The following RBPJ variants were observed in gnomAD, a reference collection of about 807,000 sequenced individuals.
RBPJ encodes the protein recombining binding protein suppressor of hairless.
RBPJ carries 9 observed loss-of-function variants against 67.8 expected under a neutral mutation model. That is an observed-to-expected ratio of 0.13 (90% confidence interval 0.08 to 0.23). The LOEUF (loss-of-function observed/expected upper bound fraction) is 0.23. Ranked by LOEUF, RBPJ falls within the 10% of genes least tolerant of loss-of-function variation. The pLI, the probability that RBPJ is intolerant of heterozygous loss-of-function variation, is 1.00. For synonymous variants in RBPJ, 198 were observed against 203.3 expected, an observed-to-expected ratio of 0.97 and a Z score of 0.22; for missense variants, 305 against 595.6, an observed-to-expected ratio of 0.51 and a Z score of 5.08.
chr4:26,252,390 G>A (rs1720144316), intron 1 of RBPJ, among the ~76,000 whole-genome samples: 1 of 152,132 alleles, frequency 6.6e-6, no homozygotes, highest in African/African-American at 2.4e-5. Flanking sequence ...GAGCCCAGGA[G>A]TTCGAGACCA....
At chr4:26,347,429 A>G (rs1726279493) in intron 1 of RBPJ, among the ~76,000 whole-genome samples, 1 of 152,226 alleles carries the variant, frequency 6.6e-6, no homozygotes, top group Non-Finnish European at 1.5e-5. Flanking sequence ...AAGGTAGAAT[A>G]AAAGCCTCAA....
intron 1 of RBPJ, chr4:26,343,014 TTTG>T (rs1223141412): frequency 6.6e-6 from 1 of 152,206 alleles, no homozygotes; most frequent in African/African-American, 2.4e-5. Flanking sequence ...GCTGTCAAAT[TTTG>T]TTGTTATTCT....
chr4:26,381,087 G>GT lies in RBPJ; in HGVS notation c.21-5255dup, dbSNP rs113920618. On this transcript the variant is annotated intron_variant, in intron 1 of 10. Coordinates refer to ENST00000355476, the MANE Select transcript of RBPJ (RefSeq NM_015874.6). ...TCTGTATTCAAGAAAGTTTTTTCTT[G>GT]TTTTTTTTTTTCCTTCTTTTTGTGA... Among the ~76,000 whole-genome samples, 453 of 129,668 alleles carry GT rather than the reference G, an allele frequency of 3.5e-3. 1 individual carries two copies. The highest frequency in any genetic ancestry group is 7.7e-3 in the Middle Eastern group (2 of 260). The allele number at this position is 129,668 out of a possible 152,430, so 85.1% of individuals were successfully genotyped here.
intron 1 of RBPJ, among the ~76,000 whole-genome samples, chr4:26,337,438 T>C (rs1350202308): frequency 5.3e-5 from 8 of 152,116 alleles, no homozygotes; most frequent in Admixed American, 5.2e-4. Flanking sequence ...TCTTGTTGCT[T>C]GGGTGGTTAA....
intron 1 of RBPJ, among the ~76,000 whole-genome samples, chr4:26,216,477 A>G (rs954053597): frequency 1.3e-5 from 2 of 152,074 alleles, no homozygotes; most frequent in South Asian, 4.1e-4. Flanking sequence ...AAAGCATGGA[A>G]CATCCGAGGA....
chr4:26,237,707 G>T (rs570903038), intron 1 of RBPJ, among the ~76,000 whole-genome samples: 2 of 152,262 alleles, frequency 1.3e-5, no homozygotes, highest in Admixed American at 1.3e-4. Flanking sequence ...TTGACCCTCG[G>T]TCTCCCTATC....
chr4:26,255,696 G>C (rs1399479711), intron 1 of RBPJ, among the ~76,000 whole-genome samples: 1 of 151,436 alleles, frequency 6.6e-6, no homozygotes, highest in Non-Finnish European at 1.5e-5. Flanking sequence ...CAGCTACGCG[G>C]GAGGCTGAGG....
At chr4:26,414,917 G>A (rs534795805) in intron 3 of RBPJ, among the ~76,000 whole-genome samples, 1 of 152,102 alleles carries the variant, frequency 6.6e-6, no homozygotes, top group Non-Finnish European at 1.5e-5. Context: ...ACACAGCACT[G>A]CTCATAATCA....
intron 1 of RBPJ, among the ~76,000 whole-genome samples, chr4:26,275,851 G>A (rs1236136892): frequency 6.6e-6 from 1 of 151,824 alleles, no homozygotes; most frequent in Non-Finnish European, 1.5e-5. Context: ...GGGATGGTCT[G>A]GATCTCTTGA....
rs374792577 is a variant in RBPJ, at chr4:26,415,583, A to G, written c.264A>G (p.Ala88=). The change falls in exon 4 of 11, where the codon GCA becomes GCG. Residue 88 remains alanine (A), a synonymous_variant. Transcript: ENST00000355476. ...CTGAACAAGAGTCTCAACCGTGTGC[A>G]TTTATTGGGATAGGAAATAGTGACC... ...GCSEQESQPC[A]FIGIGNSDQE... is the part of the protein sequence containing the mutation. The G allele has an allele frequency of 7.4e-6, 12 of 1,611,808 alleles. No individual in the cohort carries two copies. The highest frequency in any genetic ancestry group is 1.1e-5 in the South Asian group (1 of 90,252).
intron 1 of RBPJ, among the ~76,000 whole-genome samples, chr4:26,221,309 C>G (rs1248911904): frequency 6.6e-6 from 1 of 152,164 alleles, no homozygotes; most frequent in East Asian, 1.9e-4. Flanking sequence ...CCAGGATGGT[C>G]TCCATCTCCT....
the RBPJ span, among the ~76,000 whole-genome samples, chr4:26,114,493 A>ATG: frequency 2.0e-4 from 29 of 145,912 alleles, no homozygotes; most frequent in African/African-American, 7.6e-4. Context: ...ATATATATAT[A>ATG]TATATGTATG....
At chr4:26,246,588 G>C (rs1177384197) in intron 1 of RBPJ, among the ~76,000 whole-genome samples, 1 of 152,190 alleles carries the variant, frequency 6.6e-6, no homozygotes, top group Non-Finnish European at 1.5e-5. Flanking sequence ...AACATAACCT[G>C]TCAGATTGTA....
intron 1 of RBPJ, chr4:26,342,999 T>C (rs1452385583): frequency 6.6e-6 from 1 of 152,240 alleles, no homozygotes; most frequent in Admixed American, 6.5e-5. Context: ...CATTTTAAAG[T>C]CTCTGCTGTC....
At chr4:26,241,323 G>A (rs111694876) in intron 1 of RBPJ, among the ~76,000 whole-genome samples, 141 of 152,052 alleles carry the variant, frequency 9.3e-4, no homozygotes, top group African/African-American at 3.2e-3. Flanking sequence ...GTGAAAAAAA[G>A]AGCTGACATT....
At chr4:26,157,237 C>T in the RBPJ span, among the ~76,000 whole-genome samples, 457 of 152,240 alleles carry the variant, frequency 3.0e-3, 3 homozygotes, top group African/African-American at 0.01. Flanking sequence ...CAAGACCAGC[C>T]TGGGCAACTC....
At chr4:26,180,302 C>T (rs1716935877) in intron 1 of RBPJ, among the ~76,000 whole-genome samples, 1 of 146,132 alleles carries the variant, frequency 6.8e-6, no homozygotes, top group Non-Finnish European at 1.5e-5. Flanking sequence ...AACAAACCGA[C>T]ACATGTACCC....
chr4:26,210,700 T>TTTCTTTCTTTCCTTCTTTCCTTCTTTCC lies in RBPJ; in HGVS notation c.-167+47093_-167+47094insTTTCCTTCTTTCCTTCTTTCCTTCTTTC, dbSNP rs1348512062. Among the ~76,000 whole-genome samples, 5 of 59,922 alleles carry TTTCTTTCTTTCCTTCTTTCCTTCTTTCC rather than the reference T, an allele frequency of 8.3e-5. No homozygotes were observed. The East Asian group carries it at 2.1e-3, about 26-fold the overall frequency. The allele number at this position is 59,922 out of a possible 152,430, so 39.3% of individuals were successfully genotyped here. ...TTTCTTTCTTTCCTTTCTTTCTTTC[T>TTTCTTTCTTTCCTTCTTTCCTTCTTTCC]TTCTTTCCTTCTTTCCTTCTTTCTT... is the stretch of plus-strand genomic sequence containing the variant. On this transcript the variant is annotated intron_variant, in intron 1 of 4. Coordinates refer to the RBPJ transcript ENST00000512351.
At chr4:26,358,255 T>C (rs1362206272) in intron 1 of RBPJ, among the ~76,000 whole-genome samples, 1 of 152,092 alleles carries the variant, frequency 6.6e-6, no homozygotes, top group African/African-American at 2.4e-5. Context: ...GCATAAAATA[T>C]GTATCCTACT....
Sources: gnomAD v4.1 joint callset for allele counts (sites outside exome capture counted in the v4.1 genomes callset) on GRCh38, gnomAD v4.1.1 for gene constraint, MANE v1.5 for transcripts, NCBI Gene and HGNC (gene_info 2026-07-23, HGNC 2026-07-21) for gene names.